Variants in RSPO2 observed in about 807,000 individuals in gnomAD.
RSPO2 encodes the protein R-spondin 2, also known as R-spondin-2.
Under a neutral mutation model 30.9 loss-of-function variants are expected in RSPO2, and 14 were observed. The observed-to-expected ratio is 0.45, with a 90% CI of 0.30 to 0.71. The LOEUF is 0.71. RSPO2 is among the 30% of genes least tolerant of loss of function. The probability of loss-of-function intolerance (pLI) is 0.08; values close to 1 mark genes in which losing one functional copy is unlikely to be tolerated. For synonymous variants in RSPO2, 107 were observed against 96.4 expected, an observed-to-expected ratio of 1.11 and a Z score of -0.64; for missense variants, 264 against 301.9, an observed-to-expected ratio of 0.87 and a Z score of 0.93.
Position 107,900,095 on chromosome 8 carries a change from A to G in RSPO2, c.*980T>C, listed in dbSNP as rs1382396992. The G allele has an allele frequency of 1.3e-5, 2 of 152,222 alleles. No homozygotes were observed. Among genetic ancestry groups the G allele is most frequent in the Non-Finnish European group, 2.9e-5 (2 of 68,028 alleles). 9.4% of individuals were successfully genotyped at this position (152,222 alleles called of 1,614,324 possible). ...GTAGCTGGCCTGTGAAACTGGCTAC[A>G]AGTGACTGGATATAGTCCCTCATGT... is the stretch of plus-strand genomic sequence containing the variant. On this transcript the variant is annotated 3_prime_UTR_variant, in exon 6 of 6. Coordinates refer to ENST00000276659, the MANE Select transcript of RSPO2 (RefSeq NM_178565.5).
intron 2 of RSPO2, among the ~76,000 whole-genome samples, chr8:108,059,316 C>G (rs1365481741): frequency 3.3e-5 from 5 of 151,826 alleles, no homozygotes; most frequent in African/African-American, 1.2e-4. Flanking sequence ...CATCTCATAC[C>G]ATTTAGAATG....
At chr8:108,022,968 G>A (rs1811102592) in intron 2 of RSPO2, among the ~76,000 whole-genome samples, 1 of 149,016 alleles carries the variant, frequency 6.7e-6, no homozygotes, top group South Asian at 2.1e-4. Context: ...CACAGTAGTT[G>A]CATCTGGAGA....
intron 2 of RSPO2, among the ~76,000 whole-genome samples, chr8:108,021,939 T>TA (rs529619792): frequency 4.6e-5 from 7 of 151,722 alleles, no homozygotes; most frequent in South Asian, 4.2e-4. Context: ...ACTTAAAATA[T>TA]AAAAAAAAGA....
At chr8:108,067,156 C>T (rs1213050379) in intron 2 of RSPO2, among the ~76,000 whole-genome samples, 2 of 152,152 alleles carry the variant, frequency 1.3e-5, no homozygotes, top group African/African-American at 4.8e-5. Flanking sequence ...GGAAGTAATA[C>T]CCTAGAATCA....
intron 2 of RSPO2, among the ~76,000 whole-genome samples, chr8:108,006,484 T>C (rs1586621716): frequency 6.6e-6 from 1 of 152,110 alleles, no homozygotes; most frequent in Non-Finnish European, 1.5e-5. Context: ...AATAGGGACC[T>C]TCAAAGTGAA....
In RSPO2 at chr8:108,057,055, CAAAAAAAAAAAAAAAAAAAA is replaced by C. The variant is rs56727719; in HGVS notation, c.94+25470_94+25489del. On this transcript the variant is annotated intron_variant, in intron 2 of 5. Coordinates refer to ENST00000276659, the MANE Select transcript of RSPO2 (RefSeq NM_178565.5). ...CTGGCAACAGAGTGAGACTCTGTCT[CAAAAAAAAAAAAAAAAAAAA>C]AAAAAAAAAAAAAAAAAGACGTATA... Among the ~76,000 whole-genome samples, 22 of 36,080 alleles carry C rather than the reference CAAAAAAAAAAAAAAAAAAAA, an allele frequency of 6.1e-4. 1 individual carries two copies. The South Asian group carries it at 0.012, about 20-fold the overall frequency. The allele number at this position is 36,080 out of a possible 152,430, so 23.7% of individuals were successfully genotyped here.
intron 4 of RSPO2, among the ~76,000 whole-genome samples, chr8:107,959,098 G>A (rs1272096824): frequency 1.3e-5 from 2 of 152,164 alleles, no homozygotes; most frequent in Admixed American, 6.5e-5. Context: ...TTACAGGCTA[G>A]TTCTAAATTT....
intron 5 of RSPO2, among the ~76,000 whole-genome samples, chr8:107,924,076 AC>A (rs1407254745): frequency 6.9e-6 from 1 of 145,644 alleles, no homozygotes; most frequent in African/African-American, 2.4e-5. Context: ...TTGCACGTGT[AC>A]CCCTGAACAT....
chr8:108,049,105 G>T (rs991138114), intron 2 of RSPO2, among the ~76,000 whole-genome samples: 1 of 151,912 alleles, frequency 6.6e-6, no homozygotes, highest in African/African-American at 2.4e-5. Flanking sequence ...TCGGAGGGTG[G>T]GGAACTGGGG....
chr8:107,913,612 A>C (rs953892115), intron 5 of RSPO2, among the ~76,000 whole-genome samples: 1 of 152,188 alleles, frequency 6.6e-6, no homozygotes, highest in Admixed American at 6.6e-5. Flanking sequence ...TATTAGAGAC[A>C]GCACATTTCC....
At chr8:108,046,790 C>T (rs955889335) in intron 2 of RSPO2, among the ~76,000 whole-genome samples, 1 of 152,092 alleles carries the variant, frequency 6.6e-6, no homozygotes, top group African/African-American at 2.4e-5. Flanking sequence ...CCTATTAATT[C>T]CCCCTCCCAA....
At chr8:107,926,089 C>T (rs1098816) in intron 5 of RSPO2, among the ~76,000 whole-genome samples, 100,830 of 151,842 alleles carry the variant, frequency 0.66, 35,496 homozygotes, top group East Asian at 0.9. Flanking sequence ...TTTTTAATGA[C>T]TGCCATTCTA....
intron 3 of RSPO2, among the ~76,000 whole-genome samples, chr8:107,971,064 G>A (rs1813982917): frequency 6.6e-6 from 1 of 152,190 alleles, no homozygotes; most frequent in South Asian, 2.1e-4. Context: ...TTAAGAAGAT[G>A]CAGGTGAAAG....
At chr8:108,019,399 TACACACAC>T (rs1345226274) in intron 2 of RSPO2, among the ~76,000 whole-genome samples, 3 of 151,012 alleles carry the variant, frequency 2.0e-5, no homozygotes, top group African/African-American at 4.9e-5. Context: ...AATTCACACA[TACACACAC>T]ACACACAACC....
intron 5 of RSPO2, among the ~76,000 whole-genome samples, chr8:107,925,002 C>T (rs1049815544): frequency 6.6e-6 from 1 of 151,986 alleles, no homozygotes; most frequent in South Asian, 2.1e-4. Flanking sequence ...GATCACTATC[C>T]TGCACTCAGA....
At chr8:107,955,480 G>A (rs1813392672) in intron 5 of RSPO2, among the ~76,000 whole-genome samples, 1 of 151,940 alleles carries the variant, frequency 6.6e-6, no homozygotes, top group African/African-American at 2.4e-5. Flanking sequence ...CAAGACAACT[G>A]ATCTAAAGGA....
At chr8:108,023,794 G>C (rs930449001) in intron 2 of RSPO2, among the ~76,000 whole-genome samples, 4 of 152,298 alleles carry the variant, frequency 2.6e-5, no homozygotes, top group African/African-American at 9.6e-5. Context: ...ATTTGGAGAA[G>C]TAGATGGCCA....
chr8:107,900,930 G>C lies in RSPO2; in HGVS notation c.*145C>G. 1 of 794,282 alleles carries C rather than the reference G, an allele frequency of 1.3e-6. No homozygotes were observed. Among genetic ancestry groups the C allele is most frequent in the Non-Finnish European group, 2.0e-6 (1 of 497,806 alleles). 49.2% of individuals were successfully genotyped at this position (794,282 alleles called of 1,614,324 possible). A position where few individuals can be genotyped will look rare whatever the true frequency, so the allele number is the denominator to read the frequency against. On this transcript the variant is annotated 3_prime_UTR_variant, in exon 6 of 6. Transcript: ENST00000276659. ...GCATAAATAACACAGGGGCCATGCT[G>C]GTGGTGCTTCCTTTCACCATGTTAC...
chr8:107,998,213 T>C (rs1357280518), intron 2 of RSPO2, among the ~76,000 whole-genome samples: 4 of 151,038 alleles, frequency 2.6e-5, no homozygotes, highest in Admixed American at 6.6e-5. Context: ...AAAAAACCCA[T>C]AGAAGGAGCA....
Sources: gnomAD v4.1 joint callset for allele counts (sites outside exome capture counted in the v4.1 genomes callset) on GRCh38, gnomAD v4.1.1 for gene constraint, MANE v1.5 for transcripts, NCBI Gene and HGNC (gene_info 2026-07-23, HGNC 2026-07-21) for gene names.